CACNA1D: variants seen among roughly 807,000 people sequenced by gnomAD.
CACNA1D encodes the protein calcium voltage-gated channel subunit alpha1 D, also known as voltage-dependent L-type calcium channel subunit alpha-1D.
In CACNA1D, 55 loss-of-function variants were observed where a neutral mutation model predicts 257.1. The ratio of observed to expected loss-of-function variants is 0.21; its 90% CI spans 0.17 to 0.27. The LOEUF (loss-of-function observed/expected upper bound fraction) is 0.27, where lower values mean the gene tolerates loss of function less well. Among genes scored for constraint, CACNA1D ranks in the 10% least tolerant of loss-of-function variants. The pLI, the probability that CACNA1D is intolerant of heterozygous loss-of-function variation, is 1.00. For missense variants in CACNA1D, 1,876 were observed against 2,784.0 expected, an observed-to-expected ratio of 0.67 and a Z score of 7.34; for synonymous variants, 980 against 1,014.9, an observed-to-expected ratio of 0.97 and a Z score of 0.65.
intron 29 of CACNA1D, among the ~76,000 whole-genome samples, chr3:53,758,914 G>T (rs2095283297): frequency 1.3e-5 from 2 of 152,092 alleles, no homozygotes; most frequent in African/African-American, 4.8e-5. Context: ...GTGGGAGAAG[G>T]GTGGGGGAAC....
At chr3:53,582,100 T>C (rs1481838707) in intron 3 of CACNA1D, among the ~76,000 whole-genome samples, 3 of 152,096 alleles carry the variant, frequency 2.0e-5, no homozygotes, top group African/African-American at 7.2e-5. Flanking sequence ...TGTGTTTTTG[T>C]TGGAATATAC....
chr3:53,534,415 C>T (rs1176348644), intron 3 of CACNA1D, among the ~76,000 whole-genome samples: 1 of 152,248 alleles, frequency 6.6e-6, no homozygotes, highest in East Asian at 1.9e-4. Context: ...CCTCCCACTT[C>T]TCTTGGTCTC....
At chr3:53,554,474 C>T (rs941282800) in intron 3 of CACNA1D, among the ~76,000 whole-genome samples, 1 of 152,246 alleles carries the variant, frequency 6.6e-6, no homozygotes, top group Non-Finnish European at 1.5e-5. Context: ...TCTCTGTGAG[C>T]ATGCCCTGAT....
At chr3:53,497,109 C>T (rs371735256) in intron 1 of CACNA1D, 43 bp from the exon 2 acceptor site, 6 of 1,544,308 alleles carry the variant, frequency 3.9e-6, no homozygotes, top group African/African-American at 1.4e-5. Flanking sequence ...CCACTGGATC[C>T]TCATTTAAAA....
At chr3:53,567,645 A>C (rs965144650) in intron 3 of CACNA1D, among the ~76,000 whole-genome samples, 1 of 152,252 alleles carries the variant, frequency 6.6e-6, no homozygotes, top group Non-Finnish European at 1.5e-5. Context: ...CAGACAACAT[A>C]GCCACTCACC....
chr3:53,511,334 T>A (rs1481042530), intron 3 of CACNA1D, among the ~76,000 whole-genome samples: 1 of 152,142 alleles, frequency 6.6e-6, no homozygotes, highest in East Asian at 1.9e-4. Flanking sequence ...GGAATTGGCC[T>A]CAAGGTTTCC....
In CACNA1D at chr3:53,786,470, G is replaced by A. The variant is rs183454976; in HGVS notation, c.4793-352G>A. 58 of 297,306 alleles carry A rather than the reference G, an allele frequency of 2.0e-4. No individual in the cohort carries two copies. In the East Asian group the frequency reaches 4.3e-3, roughly 22 times the overall value. The allele number at this position is 297,306 out of a possible 1,614,324, so 18.4% of individuals were successfully genotyped here. On this transcript the variant is annotated intron_variant, in intron 39 of 47. Transcript: ENST00000350061. ...TATGCACAGGGGTGAAATGTGGCCC[G>A]TGAAGCCTCTTTTTGTTTTGTAATT...
intron 3 of CACNA1D, among the ~76,000 whole-genome samples, chr3:53,612,171 C>T (rs1054502677): frequency 1.4e-4 from 21 of 152,280 alleles, no homozygotes; most frequent in Non-Finnish European, 2.6e-4. Flanking sequence ...TCTATTACCT[C>T]CTCATTTCTA....
chr3:53,723,621 T>G lies in CACNA1D; in HGVS notation c.1854T>G (p.Phe618Leu). 6.2e-7 allele frequency: 1 copy of G among 1,614,168 alleles called. No individual in the cohort carries two copies. Among genetic ancestry groups the G allele is most frequent in the Non-Finnish European group, 8.5e-7 (1 of 1,180,030 alleles). The change falls in exon 13 of 48, where the codon TTT becomes TTG. Residue 618 changes from phenylalanine to leucine, a missense_variant. Coordinates refer to ENST00000350061, the MANE Select transcript of CACNA1D (RefSeq NM_001128840.3). The surrounding 1 kb of genome is among the most constrained non-coding windows in gnomAD (Gnocchi z 5.6). Reference sequence around the variant, plus strand: ...TGTCTCCCCTGGGGATCTCTGTGTTTCGGTGTGTGCGCCTCTTAAGAATCT... The same window carrying G: ...TGTCTCCCCTGGGGATCTCTGTGTTGCGGTGTGTGCGCCTCTTAAGAATCT... ...EIMSPLGISV[F>L]RCVRLLRIFK... is the part of the protein sequence containing the mutation.
At chr3:53,748,956 A>G (rs1040528458) in intron 26 of CACNA1D, 3 of 464,292 alleles carry the variant, frequency 6.5e-6, no homozygotes, top group African/African-American at 2.0e-5. Flanking sequence ...CACTTCCTCC[A>G]GTGTCTTACA....
In CACNA1D at chr3:53,789,108, T is replaced by A. The variant is rs1304961791; in HGVS notation, c.4923+2156T>A. On this transcript the variant is annotated intron_variant, in intron 40 of 47. Coordinates refer to ENST00000350061, the MANE Select transcript of CACNA1D (RefSeq NM_001128840.3). The surrounding 1 kb of genome is among the most constrained non-coding windows in gnomAD (Gnocchi z 4.2). ...GTGGGTTAAAAGACTCTTTTTGTGT[T>A]GCAATAATGTTGAGGGTTTCTCCTA... 6.6e-6 allele frequency among the ~76,000 whole-genome samples: 1 copy of A among 152,242 alleles called. No individual in the cohort carries two copies. Among genetic ancestry groups the A allele is most frequent in the East Asian group, 1.9e-4 (1 of 5,198 alleles).
chr3:53,736,384 T>C (rs2095057933), intron 20 of CACNA1D, among the ~76,000 whole-genome samples: 1 of 152,142 alleles, frequency 6.6e-6, no homozygotes, highest in African/African-American at 2.4e-5. Context: ...AAAAATTTCT[T>C]CTCTGGGAAG....
intron 15 of CACNA1D, among the ~76,000 whole-genome samples, chr3:53,728,191 T>G (rs998973273): frequency 6.6e-6 from 1 of 152,156 alleles, no homozygotes; most frequent in Non-Finnish European, 1.5e-5. Context: ...CTGGATGGAG[T>G]GCAGTGGTGC....
chr3:53,668,474 A>G (rs956540058), intron 7 of CACNA1D, among the ~76,000 whole-genome samples: 36 of 152,212 alleles, frequency 2.4e-4, no homozygotes, highest in African/African-American at 8.2e-4. Context: ...CTTTGACAGT[A>G]TAATTGCACT....
intron 3 of CACNA1D, among the ~76,000 whole-genome samples, chr3:53,650,071 G>A (rs550020112): frequency 6.6e-6 from 1 of 152,324 alleles, no homozygotes; most frequent in Admixed American, 6.5e-5. Context: ...GGATACTAGA[G>A]GAAAGGTCAG....
At chr3:53,497,550 G>A in intron 2 of CACNA1D, 89 bp downstream of exon 2, 1 of 1,329,468 alleles carries the variant, frequency 7.5e-7, no homozygotes, top group Non-Finnish European at 1.1e-6. Context: ...ACACAAAGCT[G>A]TAGCAGTCTG....
intron 8 of CACNA1D, among the ~76,000 whole-genome samples, chr3:53,682,416 G>C (rs1457982050): frequency 7.4e-6 from 1 of 134,574 alleles, no homozygotes; most frequent in African/African-American, 2.8e-5. Flanking sequence ...TTTTAGCTGG[G>C]CAATGTGGTG....
intron 44 of CACNA1D, among the ~76,000 whole-genome samples, chr3:53,804,013 G>C (rs1171289109): frequency 6.6e-6 from 1 of 152,194 alleles, no homozygotes; most frequent in Non-Finnish European, 1.5e-5. Context: ...GCCACTTCAA[G>C]GGGTCTCTCG....
At chr3:53,690,976 G>C (rs1336320351) in intron 8 of CACNA1D, among the ~76,000 whole-genome samples, 2 of 152,162 alleles carry the variant, frequency 1.3e-5, no homozygotes, top group African/African-American at 4.8e-5. Flanking sequence ...TGAAAAACTG[G>C]AATCTGACAA....
Sources: allele counts gnomAD v4.1 joint callset (sites outside exome capture counted in the v4.1 genomes callset), GRCh38; gene constraint gnomAD v4.1.1; non-coding constraint Gnocchi (gnomAD v3.1); transcripts MANE v1.5; gene names NCBI Gene and HGNC (gene_info 2026-07-23, HGNC 2026-07-21).